Variants in PCSK2 observed in about 807,000 individuals in gnomAD.
PCSK2 encodes the protein proprotein convertase subtilisin/kexin type 2.
PCSK2 carries 14 observed loss-of-function variants against 69.7 expected under a neutral mutation model. The ratio of observed to expected loss-of-function variants is 0.20; its 90% CI spans 0.13 to 0.31. PCSK2 has a LOEUF of 0.31. Among genes scored for constraint, PCSK2 ranks in the 10% least tolerant of loss-of-function variants. The pLI is 1.00. For synonymous variants in PCSK2, 307 were observed against 320.7 expected (o/e 0.96, Z 0.46); for missense variants, 544 against 842.5 (o/e 0.65, Z 4.39).
chr20:17,296,413 AC>A (rs1362183268), intron 2 of PCSK2, among the ~76,000 whole-genome samples: 2 of 152,180 alleles, frequency 1.3e-5, no homozygotes, highest in African/African-American at 4.8e-5. Context: ...AAATAAGATG[AC>A]CTTTTGTAGA....
intron 2 of PCSK2, among the ~76,000 whole-genome samples, chr20:17,274,365 C>T (rs1987977831): frequency 6.6e-6 from 1 of 152,178 alleles, no homozygotes; most frequent in African/African-American, 2.4e-5. Flanking sequence ...GGCTCCTCCT[C>T]TATCCATAGG....
intron 2 of PCSK2, among the ~76,000 whole-genome samples, chr20:17,286,926 T>C (rs1259004917): frequency 6.6e-6 from 1 of 152,196 alleles, no homozygotes; most frequent in African/African-American, 2.4e-5. Flanking sequence ...AATTGGCTTA[T>C]GCAATTGTGA....
intron 2 of PCSK2, among the ~76,000 whole-genome samples, chr20:17,349,387 G>A (rs1221347773): frequency 6.6e-6 from 1 of 152,160 alleles, no homozygotes; most frequent in Non-Finnish European, 1.5e-5. Flanking sequence ...ATTCTTACCA[G>A]CTTCCCAAAG....
At chr20:17,297,661 G>C (rs972220283) in intron 2 of PCSK2, among the ~76,000 whole-genome samples, 7 of 152,182 alleles carry the variant, frequency 4.6e-5, no homozygotes, top group Admixed American at 3.9e-4. Flanking sequence ...ATTTGGTTCA[G>C]AGTCATCAGG....
At chr20:17,366,146 G>A (rs1042182275) in intron 4 of PCSK2, among the ~76,000 whole-genome samples, 2 of 151,026 alleles carry the variant, frequency 1.3e-5, no homozygotes, top group Non-Finnish European at 2.9e-5. Flanking sequence ...TCAGAGCCAG[G>A]GTTCTGACAT....
At chr20:17,384,869 G>A (rs1476663023) in intron 5 of PCSK2, among the ~76,000 whole-genome samples, 3 of 151,806 alleles carry the variant, frequency 2.0e-5, no homozygotes, top group African/African-American at 7.3e-5. Flanking sequence ...TCGAAGCTAC[G>A]GTGAGCCACA....
At chr20:17,351,421 C>T (rs999696418) in intron 2 of PCSK2, among the ~76,000 whole-genome samples, 1 of 152,048 alleles carries the variant, frequency 6.6e-6, no homozygotes, top group African/African-American at 2.4e-5. Context: ...GGCCAATATC[C>T]CTGATGAACA....
chr20:17,465,271 C>T, intron 10 of PCSK2, 55 bp from the exon 11 acceptor site: 1 of 1,210,064 alleles, frequency 8.3e-7, no homozygotes. Context: ...GCCTCTCTCC[C>T]TCTCTCACCC....
intron 2 of PCSK2, among the ~76,000 whole-genome samples, chr20:17,324,636 A>T (rs1371728644): frequency 1.3e-5 from 2 of 150,986 alleles, no homozygotes; most frequent in African/African-American, 4.9e-5. Flanking sequence ...CAACCCAGAT[A>T]CTCCCCCTAC....
At chr20:17,361,834 AGT>A (rs1256049970) in intron 4 of PCSK2, among the ~76,000 whole-genome samples, 9 of 152,214 alleles carry the variant, frequency 5.9e-5, no homozygotes, top group Admixed American at 3.3e-4. Context: ...CCTGCATGAG[AGT>A]GTGTGTGCTC....
At chr20:17,307,736 A>G (rs552244769) in intron 2 of PCSK2, among the ~76,000 whole-genome samples, 1 of 152,330 alleles carries the variant, frequency 6.6e-6, no homozygotes, top group Admixed American at 6.5e-5. Context: ...CAGATAATTA[A>G]TTTAAAAAGC....
At chr20:17,316,398 G>A (rs1013610798) in intron 2 of PCSK2, among the ~76,000 whole-genome samples, 1 of 152,206 alleles carries the variant, frequency 6.6e-6, no homozygotes, top group African/African-American at 2.4e-5. Context: ...GGCACATAGA[G>A]GTGAAATATC....
chr20:17,420,551 C>T (rs2032100188), intron 6 of PCSK2, among the ~76,000 whole-genome samples: 1 of 151,970 alleles, frequency 6.6e-6, no homozygotes, highest in Non-Finnish European at 1.5e-5. Flanking sequence ...TTTCCTTCAG[C>T]TAAAAGGAGT....
Position 17,364,102 on chromosome 20 carries a change from C to T in PCSK2, c.505+3462C>T, listed in dbSNP as rs112654681. ...TGTATACACATGTAATTAACCTGCA[C>T]GTTGTGCACATGTACCCTAAAACTT... On this transcript the variant is annotated intron_variant, in intron 4 of 11. Coordinates refer to ENST00000262545, the MANE Select transcript of PCSK2 (RefSeq NM_002594.5). 3.0e-3 allele frequency among the ~76,000 whole-genome samples: 453 copies of T among 151,386 alleles called. 2 individuals are homozygous for T. The highest frequency in any genetic ancestry group is 0.011 in the African/African-American group (433 of 41,178).
intron 6 of PCSK2, among the ~76,000 whole-genome samples, chr20:17,423,415 A>G (rs2032175399): frequency 6.6e-6 from 1 of 152,100 alleles, no homozygotes; most frequent in African/African-American, 2.4e-5. Flanking sequence ...ATGTAGATGA[A>G]TCTCCTAAGT....
chr20:17,383,590 G>GA (rs1300848625), intron 5 of PCSK2, among the ~76,000 whole-genome samples: 9 of 151,792 alleles, frequency 5.9e-5, no homozygotes, highest in African/African-American at 1.9e-4. Flanking sequence ...ATTTCAAGCT[G>GA]AAAAATTAAC....
chr20:17,269,723 G>A lies in PCSK2; in HGVS notation c.282+9379G>A, dbSNP rs1026546370. 5.9e-5 allele frequency among the ~76,000 whole-genome samples: 9 copies of A among 152,154 alleles called. No individual in the cohort carries two copies. In the South Asian group the frequency reaches 8.3e-4, roughly 14 times the overall value. On this transcript the variant is annotated intron_variant, in intron 2 of 11. Coordinates refer to ENST00000262545, the MANE Select transcript of PCSK2 (RefSeq NM_002594.5). ...TAGGCACTAACTCAGAGCCAAGACCGCGTTCTGCAAGCTGCCAGGTGAAGT... is the reference window on the plus strand; with the variant it reads ...TAGGCACTAACTCAGAGCCAAGACCACGTTCTGCAAGCTGCCAGGTGAAGT...
chr20:17,293,429 A>G (rs1031499038), intron 2 of PCSK2, among the ~76,000 whole-genome samples: 3 of 152,136 alleles, frequency 2.0e-5, no homozygotes, highest in African/African-American at 7.2e-5. Flanking sequence ...GAATGCCTCT[A>G]TTTTGTTTTT....
At chr20:17,339,324 T>C (rs1042647903) in intron 2 of PCSK2, among the ~76,000 whole-genome samples, 6 of 152,186 alleles carry the variant, frequency 3.9e-5, no homozygotes, top group African/African-American at 1.4e-4. Context: ...GGTAGGCTTG[T>C]TCACAAGCTG....
Sources: allele counts gnomAD v4.1 joint callset (sites outside exome capture counted in the v4.1 genomes callset), GRCh38; gene constraint gnomAD v4.1.1; transcripts MANE v1.5; gene names NCBI Gene and HGNC (gene_info 2026-07-23, HGNC 2026-07-21).